The following POLD3 variants were observed in gnomAD, a reference collection of about 807,000 sequenced individuals.
POLD3 encodes DNA polymerase delta 3, accessory subunit, also known as DNA polymerase delta subunit 3.
Under a neutral mutation model 58.2 loss-of-function variants are expected in POLD3, and 19 were observed. That is an observed-to-expected ratio of 0.33 (90% CI 0.23 to 0.48). POLD3 has a LOEUF of 0.48. POLD3 is among the 20% of genes least tolerant of loss of function. The pLI is 0.99. For synonymous variants in POLD3, 172 were observed against 193.5 expected (o/e 0.89, Z 0.92); for missense variants, 504 against 545.5 (o/e 0.92, Z 0.76).
chr11:74,613,462 C>T (rs1392485078), intron 5 of POLD3, among the ~76,000 whole-genome samples: 1 of 151,966 alleles, frequency 6.6e-6, no homozygotes, highest in Non-Finnish European at 1.5e-5. Flanking sequence ...TCCTTAACAG[C>T]ACAAGGAGGT....
At chr11:74,643,103 T>G (rs2032956268), downstream of POLD3, 1 of 198,202 alleles carries the variant, frequency 5.0e-6, no homozygotes, top group Non-Finnish European at 9.1e-6. Flanking sequence ...ATGAATTCGG[T>G]CCATGTTGGC....
At chr11:74,598,143 GACTAT>G (rs2031344549) in intron 2 of POLD3, among the ~76,000 whole-genome samples, 1 of 152,190 alleles carries the variant, frequency 6.6e-6, no homozygotes, top group Admixed American at 6.5e-5. Context: ...CCTACAGTAA[GACTAT>G]ACTAAAGCTT....
chr11:74,617,799 G>A (rs2032125159), intron 5 of POLD3, among the ~76,000 whole-genome samples: 1 of 152,072 alleles, frequency 6.6e-6, no homozygotes, highest in Non-Finnish European at 1.5e-5. Context: ...GCTCACTGCA[G>A]CCTTGACCTC....
rs146316845 is a variant in POLD3 at position 74,593,580 on chromosome 11, T to G, written c.61-481T>G. On this transcript the variant is annotated intron_variant, in intron 1 of 11. Coordinates refer to ENST00000263681, the MANE Select transcript of POLD3 (RefSeq NM_006591.3). ...TGCTGGTAGTTCCCAATCTAATCTC[T>G]TATAAAAATATTTACCCACTTTTTT... 3.2e-3 allele frequency among the ~76,000 whole-genome samples: 485 copies of G among 152,350 alleles called. 3 individuals carry two copies. Among genetic ancestry groups the G allele is most frequent in the African/African-American group, 0.011 (459 of 41,578 alleles).
intron 9 of POLD3, 135 bp downstream of exon 9, chr11:74,629,458 C>G: frequency 1.9e-6 from 1 of 525,698 alleles, no homozygotes; most frequent in Non-Finnish European, 3.4e-6. Context: ...GCACCTCTTT[C>G]TGTTTGAAAT....
At chr11:74,602,469 T>C (rs1347036048) in intron 2 of POLD3, among the ~76,000 whole-genome samples, 1 of 152,154 alleles carries the variant, frequency 6.6e-6, no homozygotes, top group Non-Finnish European at 1.5e-5. Context: ...TTCTTTCTCT[T>C]ACACTTCAAC....
chr11:74,595,229 C>T (rs551830879), intron 2 of POLD3: 1 of 130,336 alleles, frequency 7.7e-6, no homozygotes, highest in South Asian at 2.5e-4. Flanking sequence ...TGGATTTGAA[C>T]TCAAGGATCC....
chr11:74,605,806 G>A (rs1217599356), intron 3 of POLD3, among the ~76,000 whole-genome samples: 1 of 152,184 alleles, frequency 6.6e-6, no homozygotes, highest in Non-Finnish European at 1.5e-5. Flanking sequence ...ATGCCAGGCT[G>A]GGTACAGTGC....
At chr11:74,592,859 G>A in intron 1 of POLD3, 141 bp downstream of exon 1, 1 of 1,489,876 alleles carries the variant, frequency 6.7e-7, no homozygotes, top group Non-Finnish European at 8.9e-7. Context: ...ACCTGGGCGA[G>A]CTCTGTGCCC....
At chr11:74,655,781 G>A (rs186415125) in intron 4 of POLD3, among the ~76,000 whole-genome samples, 3 of 152,122 alleles carry the variant, frequency 2.0e-5, no homozygotes, top group Non-Finnish European at 4.4e-5. Context: ...ATATTGAAAC[G>A]TTCTAAGTTT....
chr11:74,599,764 CTG>C (rs1298447969), intron 2 of POLD3, among the ~76,000 whole-genome samples: 2 of 152,104 alleles, frequency 1.3e-5, no homozygotes, highest in East Asian at 1.9e-4. Context: ...TAATTTCAGA[CTG>C]TGAAAATGCT....
In POLD3 at chr11:74,642,513, A is replaced by G. The variant is rs1027710870; in HGVS notation, c.*1747A>G. ...TAAAAATTATGCTGGGGTCTCGACT[A>G]AAACTGAATTTGAATTGGAAAATTC... On this transcript the variant is annotated 3_prime_UTR_variant, in exon 12 of 12. Coordinates refer to ENST00000263681, the MANE Select transcript of POLD3 (RefSeq NM_006591.3). 13 of 985,014 alleles carry G rather than the reference A, an allele frequency of 1.3e-5. No homozygotes were observed. The African/African-American group carries it at 2.3e-4, about 17-fold the overall frequency. The allele number at this position is 985,014 out of a possible 1,614,324, so 61.0% of individuals were successfully genotyped here. A position where few individuals can be genotyped will look rare whatever the true frequency, so the allele number is the denominator to read the frequency against.
At chr11:74,664,588 A>G (rs11236201) in intron 4 of POLD3, among the ~76,000 whole-genome samples, 10,033 of 152,276 alleles carry the variant, frequency 0.066, 435 homozygotes, top group Middle Eastern at 0.15. Flanking sequence ...AAGACATCAT[A>G]AGAAAACTAC....
At chr11:74,604,430 C>A in intron 2 of POLD3, 2 of 302,144 alleles carry the variant, frequency 6.6e-6, no homozygotes, top group South Asian at 6.0e-5. Flanking sequence ...AGGTTCAGTC[C>A]CTCTTGGTCT....
At chr11:74,663,352 C>CT (rs1285908759) in intron 4 of POLD3, among the ~76,000 whole-genome samples, 5 of 152,148 alleles carry the variant, frequency 3.3e-5, no homozygotes, top group African/African-American at 1.2e-4. Flanking sequence ...TTCTAGTAGG[C>CT]TTTTTTGTAG....
intron 4 of POLD3, among the ~76,000 whole-genome samples, chr11:74,653,883 A>G (rs2033099490): frequency 6.6e-6 from 1 of 152,160 alleles, no homozygotes; most frequent in Non-Finnish European, 1.5e-5. Context: ...TGCAGGCTGT[A>G]CAAGCATGGT....
chr11:74,598,681 A>G (rs562775176), intron 2 of POLD3, among the ~76,000 whole-genome samples: 2 of 152,214 alleles, frequency 1.3e-5, no homozygotes, highest in East Asian at 3.9e-4. Flanking sequence ...GGGGCAGTGG[A>G]CTAGAGTGCT....
rs1295691387 is a variant in POLD3, at chr11:74,621,570, T to C, written c.733+1481T>C. Among the ~76,000 whole-genome samples, 3 of 152,148 alleles carry C rather than the reference T, an allele frequency of 2.0e-5. No homozygotes were observed. In the East Asian group the frequency reaches 5.8e-4, roughly 29 times the overall value. On this transcript the variant is annotated intron_variant, in intron 7 of 11. Coordinates refer to ENST00000263681, the MANE Select transcript of POLD3 (RefSeq NM_006591.3). ...AAAAAAATCAAACCATACAGAAGTA[T>C]GCTTATTTAAATCATGTGTTTAGTT... is the stretch of plus-strand genomic sequence containing the variant.
At chr11:74,611,215 A>G (rs544733654) in intron 3 of POLD3, among the ~76,000 whole-genome samples, 3 of 152,326 alleles carry the variant, frequency 2.0e-5, no homozygotes, top group Admixed American at 1.3e-4. Context: ...CTTTGCTCAC[A>G]CTGATTTGAG....
Sources: allele counts gnomAD v4.1 joint callset (sites outside exome capture counted in the v4.1 genomes callset), GRCh38; gene constraint gnomAD v4.1.1; transcripts MANE v1.5; gene names NCBI Gene and HGNC (gene_info 2026-07-23, HGNC 2026-07-21).